The following BIRC6 variants were observed in gnomAD, a reference collection of about 807,000 sequenced individuals.
BIRC6 encodes the protein baculoviral IAP repeat containing 6.
A neutral mutation model predicts 503.3 loss-of-function variants in BIRC6; 98 were observed. That is an observed-to-expected ratio of 0.19 (90% CI 0.17 to 0.23). The LOEUF is 0.23. Among genes scored for constraint, BIRC6 ranks in the 10% least tolerant of loss-of-function variants. The probability of loss-of-function intolerance (pLI) is 1.00; values close to 1 mark genes in which losing one functional copy is unlikely to be tolerated. For synonymous variants in BIRC6, 2,240 were observed against 2,078.7 expected (o/e 1.08, Z -2.11); for missense variants, 5,360 against 5,806.0 (o/e 0.92, Z 2.50).
At chr2:32,590,668 A>C (rs2061339023) in intron 66 of BIRC6, 1 of 421,524 alleles carries the variant, frequency 2.4e-6, no homozygotes, top group Admixed American at 6.4e-5. Context: ...CTCACATCCT[A>C]CTTCAGATAT....
rs542531543 is a variant in BIRC6, at chr2:32,443,477, T to A, written c.4239-14T>A. On this transcript the variant is annotated splice_polypyrimidine_tract_variant and intron_variant, in intron 19 of 73. Transcript: ENST00000421745. ...GTAATGTCTTTACAATTTTTCTTTT[T>A]AAAAATTTTTCAGTAATGGCAAATG... 19 of 1,574,224 alleles carry A rather than the reference T, an allele frequency of 1.2e-5. No homozygotes were observed. The South Asian group carries it at 1.8e-4, about 15-fold the overall frequency.
At chr2:32,373,475 A>C (rs1161243728) in intron 1 of BIRC6, among the ~76,000 whole-genome samples, 1 of 152,184 alleles carries the variant, frequency 6.6e-6, no homozygotes, top group Non-Finnish European at 1.5e-5. Context: ...AAGACCATTC[A>C]TTGGGGGAAG....
intron 1 of BIRC6, among the ~76,000 whole-genome samples, chr2:32,373,808 C>T (rs988754391): frequency 1.3e-5 from 2 of 152,198 alleles, no homozygotes; most frequent in East Asian, 3.8e-4. Context: ...TAGCAGCACT[C>T]TTCGAAATAG....
intron 65 of BIRC6, among the ~76,000 whole-genome samples, chr2:32,570,241 A>G (rs1348150125): frequency 6.6e-6 from 1 of 152,154 alleles, no homozygotes; most frequent in Non-Finnish European, 1.5e-5. Context: ...CCATCCTTGT[A>G]TCCCTGGGAT....
intron 22 of BIRC6, among the ~76,000 whole-genome samples, chr2:32,449,538 C>T (rs557926522): frequency 3.2e-4 from 49 of 151,622 alleles, no homozygotes; most frequent in African/African-American, 1.5e-4. Context: ...TTTTTTCTTC[C>T]GTCTAATTGT....
intron 66 of BIRC6, among the ~76,000 whole-genome samples, chr2:32,583,292 C>A (rs1468222273): frequency 2.6e-5 from 4 of 152,196 alleles, no homozygotes; most frequent in Non-Finnish European, 5.9e-5. Context: ...TTAAGAGCTT[C>A]ATAAAGATGA....
chr2:32,464,602 A>G lies in BIRC6; in HGVS notation c.5035A>G (p.Asn1679Asp), dbSNP rs139946216. Residue 1679 changes from asparagine (N) to aspartate (D), a missense_variant, in exon 25 of 74, where the codon AAC (asparagine) becomes GAC (aspartate). Around this residue, in one of 16 missense-constraint regions of BIRC6, gnomAD observed 2,299 missense variants for 2,267.2 expected, o/e 1.01. Transcript: ENST00000421745. ...VGPVHNSVPSNPVAAPGFFIH... is the reference protein window; with the variant it reads ...VGPVHNSVPSDPVAAPGFFIH... ...TCCTGTTCACAACTCTGTGCCTTCCAACCCAGTGGCTGCCCCTGGATTCTT... is the reference window on the plus strand; with the variant it reads ...TCCTGTTCACAACTCTGTGCCTTCCGACCCAGTGGCTGCCCCTGGATTCTT... The G allele has an allele frequency of 1.2e-6, 2 of 1,613,634 alleles. No homozygotes were observed. The highest frequency in any genetic ancestry group is 8.5e-7 in the Non-Finnish European group (1 of 1,179,668).
chr2:32,529,621 T>C (rs771077469), intron 59 of BIRC6, 30 bp from the exon 60 acceptor site: 2 of 1,487,556 alleles, frequency 1.3e-6, no homozygotes, highest in South Asian at 2.8e-5. Flanking sequence ...TTTCTCGGTT[T>C]CCAGATTTAA....
At chr2:32,498,437 C>T (rs968193609) in intron 45 of BIRC6, among the ~76,000 whole-genome samples, 2 of 152,102 alleles carry the variant, frequency 1.3e-5, no homozygotes, top group African/African-American at 2.4e-5. Context: ...AATATTATTC[C>T]GTTCATGTAT....
chr2:32,526,074 T>C (rs928021461), intron 59 of BIRC6, among the ~76,000 whole-genome samples: 1 of 152,128 alleles, frequency 6.6e-6, no homozygotes, highest in Admixed American at 6.5e-5. Flanking sequence ...TGATAACAGG[T>C]TGAGCATCCC....
intron 57 of BIRC6, among the ~76,000 whole-genome samples, chr2:32,524,360 T>TA (rs1395991306): frequency 6.6e-6 from 1 of 152,224 alleles, no homozygotes; most frequent in Non-Finnish European, 1.5e-5. Context: ...GGAAATCTGT[T>TA]ACAGAAATTT....
At chr2:32,466,993 C>T (rs1051126971) in intron 26 of BIRC6, among the ~76,000 whole-genome samples, 7 of 152,008 alleles carry the variant, frequency 4.6e-5, no homozygotes, top group African/African-American at 1.5e-4. Context: ...GCAGCGGGCG[C>T]CTGTAGTGCC....
At chr2:32,410,292 C>A (rs1036053882) in intron 9 of BIRC6, among the ~76,000 whole-genome samples, 1 of 152,040 alleles carries the variant, frequency 6.6e-6, no homozygotes, top group African/African-American at 2.4e-5. Flanking sequence ...CAGAGTGAGA[C>A]TCCGTCTAAA....
chr2:32,456,393 A>T (rs1031934999), intron 23 of BIRC6, among the ~76,000 whole-genome samples: 1 of 152,216 alleles, frequency 6.6e-6, no homozygotes, highest in Non-Finnish European at 1.5e-5. Context: ...GAATGCAACA[A>T]AATTTATGTA....
At chr2:32,429,094 A>G in intron 10 of BIRC6, 52 bp from the exon 11 acceptor site, 1 of 1,443,810 alleles carries the variant, frequency 6.9e-7, no homozygotes, top group Non-Finnish European at 9.4e-7. Flanking sequence ...ACATTTGAAT[A>G]TTTGAATGTT....
rs1052326377 is a variant in BIRC6 at position 32,492,479 on chromosome 2, C to T, written c.8340+921C>T. Among the ~76,000 whole-genome samples the T allele has an allele frequency of 3.5e-4, 53 of 151,992 alleles. 1 individual carries two copies. The highest frequency in any genetic ancestry group is 1.2e-3 in the African/African-American group (51 of 41,418). Reference sequence around the variant, plus strand: ...TTTGGTAGGGGCAGAGACATGTTATCAAGTGATTATTGTACTTAAAGATTG... The same window carrying T: ...TTTGGTAGGGGCAGAGACATGTTATTAAGTGATTATTGTACTTAAAGATTG... On this transcript the variant is annotated intron_variant, in intron 44 of 73. Coordinates refer to ENST00000421745, the MANE Select transcript of BIRC6 (RefSeq NM_016252.4).
At chr2:32,566,394 C>T (rs1258635953) in intron 65 of BIRC6, 1 of 152,200 alleles carries the variant, frequency 6.6e-6, no homozygotes, top group African/African-American at 2.4e-5. Flanking sequence ...GGATCTTGCC[C>T]AGGCTTGGAG....
intron 71 of BIRC6, among the ~76,000 whole-genome samples, chr2:32,604,885 C>A (rs1405967530): frequency 7.1e-6 from 1 of 141,208 alleles, no homozygotes; most frequent in Non-Finnish European, 1.5e-5. Context: ...TTTTCTTTTT[C>A]TTTTCTTTTC....
chr2:32,515,204 G>A lies in BIRC6; in HGVS notation c.10783G>A (p.Asp3595Asn), dbSNP rs746920111. Residue 3595 changes from aspartate (D) to asparagine (N), a missense_variant, in exon 55 of 74, where the codon GAC (aspartate) becomes AAC (asparagine). This residue lies in a region of BIRC6 where 878 missense variants were observed against 928.9 expected (regional missense o/e 0.95). Transcript: ENST00000421745. ...GGATCTTAGTTCATCTTTAACAGATGACTCTAAAAATGCACAAGCACCTCT... is the reference window on the plus strand; with the variant it reads ...GGATCTTAGTTCATCTTTAACAGATAACTCTAAAAATGCACAAGCACCTCT... The part of the protein sequence containing the change: ...KQDLSSSLTD[D>N]SKNAQAPLAL... 2 of 1,613,722 alleles carry A rather than the reference G, an allele frequency of 1.2e-6. No individual in the cohort carries two copies. The highest frequency in any genetic ancestry group is 2.2e-5 in the South Asian group (2 of 91,068).
Sources: gnomAD v4.1 joint callset for allele counts (sites outside exome capture counted in the v4.1 genomes callset) on GRCh38, gnomAD v4.1.1 for gene constraint, gnomAD v4.1.1 regional missense constraint, MANE v1.5 for transcripts, NCBI Gene and HGNC (gene_info 2026-07-23, HGNC 2026-07-21) for gene names.